TRIM24: variants seen among roughly 807,000 people sequenced by gnomAD.
TRIM24 encodes transcription intermediary factor 1-alpha.
Under a neutral mutation model 123.9 loss-of-function variants are expected in TRIM24, and 29 were observed. The observed-to-expected ratio is 0.23, with a 90% confidence interval of 0.17 to 0.32. The LOEUF is 0.32. TRIM24 is among the 10% of genes least tolerant of loss of function. The probability of loss-of-function intolerance (pLI) is 1.00; values close to 1 mark genes in which losing one functional copy is unlikely to be tolerated. For missense variants in TRIM24, 932 were observed against 1,295.3 expected, an observed-to-expected ratio of 0.72 and a Z score of 4.31; for synonymous variants, 456 against 461.1, an observed-to-expected ratio of 0.99 and a Z score of 0.14.
chr7:138,492,384 C>G (rs1285887059), intron 1 of TRIM24, among the ~76,000 whole-genome samples: 2 of 150,910 alleles, frequency 1.3e-5, no homozygotes, highest in Non-Finnish European at 2.9e-5. Flanking sequence ...ATACTAAGCA[C>G]TTACAAGATA....
chr7:138,582,637 T>G (rs1797926243), intron 17 of TRIM24, among the ~76,000 whole-genome samples: 1 of 152,070 alleles, frequency 6.6e-6, no homozygotes, highest in Admixed American at 6.5e-5. Flanking sequence ...TTCTAATGTC[T>G]GAACCCCGGA....
chr7:138,508,720 C>CAT (rs1304489973), intron 2 of TRIM24, among the ~76,000 whole-genome samples: 1 of 72,514 alleles, frequency 1.4e-5, no homozygotes, highest in Non-Finnish European at 3.1e-5. Context: ...TGTGTGTGTG[C>CAT]GTGTGTGTGT....
At chr7:138,522,439 AT>A (rs1248740613) in intron 4 of TRIM24, among the ~76,000 whole-genome samples, 1 of 152,208 alleles carries the variant, frequency 6.6e-6, no homozygotes, top group Non-Finnish European at 1.5e-5. Context: ...ACAATAAAAT[AT>A]TTTTAACTGA....
At chr7:138,568,894 T>A (rs544615602) in intron 10 of TRIM24, among the ~76,000 whole-genome samples, 1 of 152,224 alleles carries the variant, frequency 6.6e-6, no homozygotes, top group Non-Finnish European at 1.5e-5. Flanking sequence ...AAAATCATTT[T>A]AATATTTTAT....
rs368456662 is a variant in TRIM24 at position 138,587,206 on chromosome 7, A to G, written c.*2255A>G. 5 of 152,316 alleles carry G rather than the reference A, an allele frequency of 3.3e-5. No homozygotes were observed. The South Asian group carries it at 6.2e-4, about 19-fold the overall frequency. The allele number at this position is 152,316 out of a possible 1,614,324, so 9.4% of individuals were successfully genotyped here. The stretch of plus-strand genomic sequence containing the variant: ...CGCCTCTACAAAAAATACAAAAATT[A>G]GCCGGACATGGTGGCGTGCAACTGT... On this transcript the variant is annotated 3_prime_UTR_variant, in exon 19 of 19. Coordinates refer to ENST00000343526, the MANE Select transcript of TRIM24 (RefSeq NM_015905.3).
intron 8 of TRIM24, among the ~76,000 whole-genome samples, chr7:138,553,750 T>A (rs1020783354): frequency 1.3e-5 from 2 of 152,184 alleles, no homozygotes; most frequent in African/African-American, 4.8e-5. Flanking sequence ...ACAGCAGTTC[T>A]CAAAGTATAG....
At chr7:138,492,273 C>CAA (rs34380067) in intron 1 of TRIM24, among the ~76,000 whole-genome samples, 14,039 of 58,268 alleles carry the variant, frequency 0.24, 1,449 homozygotes, top group Non-Finnish European at 0.28. Flanking sequence ...ACTCTGTCTC[C>CAA]AAAAAAAAAA....
chr7:138,523,707 G>A (rs910614740), intron 4 of TRIM24, among the ~76,000 whole-genome samples: 1 of 139,188 alleles, frequency 7.2e-6, no homozygotes, highest in Non-Finnish European at 1.5e-5. Context: ...GCCGAGATGG[G>A]GCCACTGCAC....
intron 1 of TRIM24, among the ~76,000 whole-genome samples, chr7:138,474,699 T>C (rs1795358573): frequency 6.6e-6 from 1 of 152,228 alleles, no homozygotes. Flanking sequence ...AGCATTGTTG[T>C]TAGAGGACTG....
chr7:138,499,362 A>G (rs1210254151), intron 1 of TRIM24, among the ~76,000 whole-genome samples: 1 of 152,186 alleles, frequency 6.6e-6, no homozygotes, highest in Non-Finnish European at 1.5e-5. Flanking sequence ...GCCTGAGTCC[A>G]GTGAGTCAAA....
chr7:138,579,450 G>A lies in TRIM24; in HGVS notation c.2503G>A (p.Gly835Arg). The change falls in exon 15 of 19, where the codon GGA (glycine) becomes AGA (arginine). Residue 835 changes from glycine (G) to arginine (R), a missense_variant. Coordinates refer to ENST00000343526, the MANE Select transcript of TRIM24 (RefSeq NM_015905.3). ...GGACTGGTGTGCAGTTTGTCAAAAC[G>A]GAGGGGAACTCCTCTGCTGTGAAAA... The part of the protein sequence containing the change: ...NEDWCAVCQN[G>R]GELLCCEKCP... 1 of 1,614,152 alleles carries A rather than the reference G, an allele frequency of 6.2e-7. No individual in the cohort carries two copies. Among genetic ancestry groups the A allele is most frequent in the Non-Finnish European group, 8.5e-7 (1 of 1,180,008 alleles).
At chr7:138,535,835 C>T (rs372735386) in intron 6 of TRIM24, among the ~76,000 whole-genome samples, 22 of 152,154 alleles carry the variant, frequency 1.4e-4, no homozygotes, top group East Asian at 5.8e-4. Context: ...CCATTCTCCC[C>T]GTCACTTTCA....
chr7:138,557,722 C>G (rs1165396004), intron 9 of TRIM24, among the ~76,000 whole-genome samples: 1 of 152,198 alleles, frequency 6.6e-6, no homozygotes, highest in Admixed American at 6.5e-5. Flanking sequence ...ACCCCACCTT[C>G]CTGGGCTATG....
intron 14 of TRIM24, 53 bp downstream of exon 14, chr7:138,577,641 G>A (rs1334322190): frequency 7.1e-7 from 1 of 1,407,662 alleles, no homozygotes; most frequent in Non-Finnish European, 9.4e-7. Context: ...TAGGGTGAGA[G>A]AATCTTTTAA....
chr7:138,507,781 A>G (rs963192865), intron 2 of TRIM24, among the ~76,000 whole-genome samples: 2 of 152,046 alleles, frequency 1.3e-5, no homozygotes, highest in African/African-American at 4.8e-5. Flanking sequence ...AAAGAAAAGC[A>G]AGCAAGCTGG....
chr7:138,516,038 G>C (rs548889974), intron 3 of TRIM24, among the ~76,000 whole-genome samples: 3 of 152,112 alleles, frequency 2.0e-5, no homozygotes, highest in African/African-American at 7.2e-5. Flanking sequence ...GGTGGCTCAC[G>C]CCTGTTATCC....
intron 6 of TRIM24, among the ~76,000 whole-genome samples, chr7:138,536,569 C>T (rs562615842): frequency 2.0e-5 from 3 of 152,358 alleles, no homozygotes; most frequent in Non-Finnish European, 2.9e-5. Flanking sequence ...CTGATCGTTC[C>T]TCTGGAAGCT....
intron 2 of TRIM24, among the ~76,000 whole-genome samples, chr7:138,511,300 C>CTTT (rs1796279809): frequency 6.7e-6 from 1 of 149,214 alleles, no homozygotes; most frequent in Admixed American, 6.7e-5. Context: ...TTTTTTCTTT[C>CTTT]TTTCTTTTTT....
chr7:138,558,279 G>T (rs1797357071), intron 9 of TRIM24, among the ~76,000 whole-genome samples: 1 of 152,172 alleles, frequency 6.6e-6, no homozygotes, highest in African/African-American at 2.4e-5. Context: ...CTTTCCTGTT[G>T]TTTCATTGTA....
Sources: allele counts gnomAD v4.1 joint callset (sites outside exome capture counted in the v4.1 genomes callset), GRCh38; gene constraint gnomAD v4.1.1; transcripts MANE v1.5; gene names NCBI Gene and HGNC (gene_info 2026-07-23, HGNC 2026-07-21).